Variants in ZNF469 observed in about 807,000 individuals in gnomAD.
ZNF469 encodes the protein zinc finger protein 469.
In ZNF469, 1 loss-of-function variant was observed where a neutral mutation model predicts 1.0. That is an observed-to-expected ratio of 1.00 (90% CI 0.35 to 4.73). The LOEUF is 4.73. Ranked by LOEUF, ZNF469 falls within the 30% of genes most tolerant of loss-of-function variation. The pLI, the probability that ZNF469 is intolerant of heterozygous loss-of-function variation, is 0.16. For missense variants in ZNF469, 6,100 were observed against 5,356.3 expected (o/e 1.14, Z -4.33); for synonymous variants, 2,703 against 2,363.4 (o/e 1.14, Z -4.17).
chr16:88,236,138 A>G, the ZNF469 span, among the ~76,000 whole-genome samples: 1 of 152,254 alleles, frequency 6.6e-6, no homozygotes, highest in South Asian at 2.1e-4. Flanking sequence ...ATAGATGGCA[A>G]ATGTCTCCTA....
chr16:88,228,116 G>T, the ZNF469 span, among the ~76,000 whole-genome samples: 1 of 152,364 alleles, frequency 6.6e-6, no homozygotes, highest in Admixed American at 6.5e-5. Context: ...AACTGATCAC[G>T]CCTGTAAAGA....
the ZNF469 span, among the ~76,000 whole-genome samples, chr16:88,124,229 T>TA: frequency 3.3e-5 from 5 of 152,158 alleles, no homozygotes; most frequent in Admixed American, 6.5e-5. Context: ...ACTTGTTTTT[T>TA]ATTTTTATTT....
chr16:88,320,832 G>C, the ZNF469 span, among the ~76,000 whole-genome samples: 1 of 152,204 alleles, frequency 6.6e-6, no homozygotes, highest in Non-Finnish European at 1.5e-5. Context: ...TAACCAGCCA[G>C]TCAATGCCGA....
At chr16:88,333,295 G>A in the ZNF469 span, among the ~76,000 whole-genome samples, 1 of 151,306 alleles carries the variant, frequency 6.6e-6, no homozygotes, top group African/African-American at 2.4e-5. Flanking sequence ...ACGGAAGAGG[G>A]GCCCATGGGT....
chr16:88,101,407 A>G, the ZNF469 span, among the ~76,000 whole-genome samples: 1 of 152,140 alleles, frequency 6.6e-6, no homozygotes, highest in Non-Finnish European at 1.5e-5. Flanking sequence ...AATGATTTCT[A>G]TTAGCTGCTG....
the ZNF469 span, among the ~76,000 whole-genome samples, chr16:88,242,375 G>A: frequency 3.3e-5 from 5 of 152,206 alleles, no homozygotes; most frequent in Admixed American, 3.3e-4. Context: ...TGCCGGCAAG[G>A]CTGGCTCTTC....
the ZNF469 span, among the ~76,000 whole-genome samples, chr16:88,345,871 G>T: frequency 1.3e-4 from 20 of 152,166 alleles, no homozygotes; most frequent in Non-Finnish European, 2.4e-4. Flanking sequence ...TCAGGCTTCA[G>T]CAACTCTGCC....
chr16:88,429,149 C>T lies in ZNF469; in HGVS notation c.1679C>T (p.Pro560Leu), dbSNP rs1416189298. 16 of 1,549,978 alleles carry T rather than the reference C, an allele frequency of 1.0e-5. No individual in the cohort carries two copies. The Admixed American group carries it at 1.2e-4, about 11-fold the overall frequency. ...GGAATGACAGACCCTGGGGCTCAGC[C>T]CCTGTTCTTCGGGGTGGCCCAGCCC... ...YNGMTDPGAQPLFFGVAQPQV... is the reference protein window; with the variant it reads ...YNGMTDPGAQLLFFGVAQPQV... Residue 560 changes from proline to leucine, a missense_variant, in exon 3 of 3, where the codon CCC becomes CTC. Physicochemically the swap from Pro to Leu is moderately conservative, Grantham distance 98. Coordinates refer to ENST00000565624, the MANE Select transcript of ZNF469 (RefSeq NM_001367624.2).
intron 1 of ZNF469, among the ~76,000 whole-genome samples, chr16:88,423,249 G>A (rs1176232865): frequency 6.6e-6 from 1 of 150,836 alleles, no homozygotes. Context: ...ATGGATGGAT[G>A]GATAGATGGA....
chr16:88,269,675 A>G, the ZNF469 span, among the ~76,000 whole-genome samples: 2 of 151,996 alleles, frequency 1.3e-5, no homozygotes, highest in South Asian at 4.2e-4. Context: ...CGTCTTCTGC[A>G]CCTGCTGGTT....
chr16:88,353,369 C>T, the ZNF469 span, among the ~76,000 whole-genome samples: 1 of 152,172 alleles, frequency 6.6e-6, no homozygotes, highest in Non-Finnish European at 1.5e-5. Flanking sequence ...AGTGTCACTA[C>T]TCCCATGCCA....
At chr16:88,105,974 C>T in the ZNF469 span, among the ~76,000 whole-genome samples, 1 of 152,358 alleles carries the variant, frequency 6.6e-6, no homozygotes, top group African/African-American at 2.4e-5. Context: ...AGCTGCAGGC[C>T]AACTGGGTCT....
intron 1 of ZNF469, among the ~76,000 whole-genome samples, chr16:88,408,160 T>A (rs1905065079): frequency 6.6e-6 from 1 of 152,212 alleles, no homozygotes; most frequent in Middle Eastern, 3.2e-3. Context: ...GTTTTTTGTG[T>A]GTGTTTTTTT....
chr16:88,360,089 G>A, the ZNF469 span, among the ~76,000 whole-genome samples: 40 of 151,758 alleles, frequency 2.6e-4, no homozygotes, highest in Non-Finnish European at 4.9e-4. Flanking sequence ...ACTCCTGACT[G>A]CAGATGCACC....
Position 88,433,141 on chromosome 16 carries a change from A to T in ZNF469, c.5671A>T (p.Arg1891Trp), listed in dbSNP as rs569996393. The part of the protein sequence containing the change: ...PACVSNTHPS[R>W]RSQDPALSPP... ...CTGTGTATCCAACACCCACCCTAGC[A>T]GGAGGTCCCAGGACCCAGCTTTGAG... Residue 1891 changes from arginine (R) to tryptophan (W), a missense_variant, in exon 3 of 3, where the codon AGG becomes TGG. Arg to Trp is a moderately radical substitution (Grantham distance 101). Transcript: ENST00000565624. The T allele has an allele frequency of 6.5e-6, 10 of 1,550,200 alleles. No individual in the cohort carries two copies. Among genetic ancestry groups the T allele is most frequent in the Non-Finnish European group, 8.7e-6 (10 of 1,146,950 alleles).
chr16:88,156,157 C>G, the ZNF469 span, among the ~76,000 whole-genome samples: 4 of 152,172 alleles, frequency 2.6e-5, no homozygotes, highest in South Asian at 2.1e-4. Context: ...TGTTCCTTAT[C>G]AGATGTGTGA....
the ZNF469 span, among the ~76,000 whole-genome samples, chr16:88,265,102 C>T: frequency 6.6e-6 from 1 of 152,126 alleles, no homozygotes; most frequent in South Asian, 2.1e-4. Context: ...CGCCCTCATC[C>T]TGTCAGGGAC....
the ZNF469 span, among the ~76,000 whole-genome samples, chr16:88,132,296 C>G: frequency 6.6e-6 from 1 of 152,264 alleles, no homozygotes; most frequent in South Asian, 2.1e-4. Flanking sequence ...GACGGACGCT[C>G]TCTCTGTCCT....
chr16:88,150,233 C>T, the ZNF469 span, among the ~76,000 whole-genome samples: 1 of 152,254 alleles, frequency 6.6e-6, no homozygotes, highest in African/African-American at 2.4e-5. Context: ...TCGCTTGAAC[C>T]CGAGAGGCGG....
Sources: allele counts gnomAD v4.1 joint callset (sites outside exome capture counted in the v4.1 genomes callset), GRCh38; gene constraint gnomAD v4.1.1; transcripts MANE v1.5; gene names NCBI Gene and HGNC (gene_info 2026-07-23, HGNC 2026-07-21).